Variants in LTAP1 observed in about 807,000 individuals in gnomAD.
LTAP1 encodes lipid transport auxiliary protein 1, also known as HCV NS5A-transactivated protein 4.
At chr1:154,216,706 G>T in the LTAP1 span, among the ~76,000 whole-genome samples, 25 of 151,932 alleles carry the variant, frequency 1.6e-4, no homozygotes, top group African/African-American at 5.6e-4. Context: ...CGTAGAGATG[G>T]GGTCTCACCA....
the LTAP1 span, among the ~76,000 whole-genome samples, chr1:154,211,317 TTTAA>T: frequency 4.1e-5 from 6 of 145,280 alleles, no homozygotes; most frequent in East Asian, 2.0e-4. Context: ...ATAGATGTTA[TTTAA>T]TTCTTTTTTT....
At chr1:154,218,058 G>C in the LTAP1 span, among the ~76,000 whole-genome samples, 1 of 152,128 alleles carries the variant, frequency 6.6e-6, no homozygotes, top group Admixed American at 6.6e-5. Context: ...GCCTCCCAAA[G>C]TGCTAGGACT....
the LTAP1 span, among the ~76,000 whole-genome samples, chr1:154,215,956 G>C: frequency 6.6e-6 from 1 of 151,570 alleles, no homozygotes; most frequent in African/African-American, 2.4e-5. Context: ...TCCTGCCTCA[G>C]CCTCCCGAGT....
At chr1:154,220,126 G>C in the LTAP1 span, 2 of 721,106 alleles carry the variant, frequency 2.8e-6, no homozygotes, top group East Asian at 5.4e-5. Context: ...GGAGGCGTGG[G>C]GTCTGTGCTC....
chr1:154,211,868 T>G, the LTAP1 span: 1 of 160,662 alleles, frequency 6.2e-6, no homozygotes, highest in Non-Finnish European at 1.4e-5. Context: ...CTTCTTTTTT[T>G]TTTTTGAGAC....
At chr1:154,220,317 G>A in the LTAP1 span, 10 of 1,613,558 alleles carry the variant, frequency 6.2e-6, no homozygotes, top group Admixed American at 1.7e-5. Context: ...GCGACAGCAG[G>A]AATGGGGTGG....
chr1:154,214,303 C>T, the LTAP1 span, among the ~76,000 whole-genome samples: 2 of 151,988 alleles, frequency 1.3e-5, no homozygotes, highest in Non-Finnish European at 2.9e-5. Context: ...ATTCCCCAAA[C>T]TCCAGCAAGC....
the LTAP1 span, among the ~76,000 whole-genome samples, chr1:154,214,139 T>C: frequency 6.6e-6 from 1 of 152,058 alleles, no homozygotes; most frequent in Admixed American, 6.6e-5. Context: ...TAGCCAGGCG[T>C]GGTGGCGCAT....
chr1:154,219,943 C>G, the LTAP1 span: 1 of 1,580,100 alleles, frequency 6.3e-7, no homozygotes, highest in Non-Finnish European at 8.6e-7. Context: ...AACACCTGTC[C>G]AAAAAGATGT....
chr1:154,213,248 G>C, the LTAP1 span: 5 of 152,700 alleles, frequency 3.3e-5, no homozygotes, highest in African/African-American at 9.7e-5. Flanking sequence ...TGGAGGTTGT[G>C]GTGAGCCAAG....
At chr1:154,209,737 C>T in the LTAP1 span, among the ~76,000 whole-genome samples, 1 of 151,972 alleles carries the variant, frequency 6.6e-6, no homozygotes, top group Non-Finnish European at 1.5e-5. Context: ...CAGGCACCCG[C>T]CACCACGCCC....
the LTAP1 span, chr1:154,207,378 G>A: frequency 2.1e-6 from 3 of 1,436,710 alleles, no homozygotes; most frequent in Non-Finnish European, 2.9e-6. Context: ...ATGTTCCGAG[G>A]GCGGCCCGGC....
At chr1:154,214,921 T>C in the LTAP1 span, among the ~76,000 whole-genome samples, 3 of 151,714 alleles carry the variant, frequency 2.0e-5, no homozygotes, top group Non-Finnish European at 4.4e-5. Flanking sequence ...CTCAGTTCAC[T>C]GCAACCTCCG....
the LTAP1 span, among the ~76,000 whole-genome samples, chr1:154,215,915 G>A: frequency 2.0e-5 from 3 of 149,056 alleles, no homozygotes; most frequent in African/African-American, 5.0e-5. Flanking sequence ...TCAGCTCACT[G>A]CAAGCTCCGC....
chr1:154,219,698 G>C, the LTAP1 span: 2 of 679,516 alleles, frequency 2.9e-6, no homozygotes, highest in Non-Finnish European at 2.5e-6. Context: ...CACAGTGCCT[G>C]CTCAACTTAG....
chr1:154,218,009 A>G, the LTAP1 span, among the ~76,000 whole-genome samples: 2 of 152,134 alleles, frequency 1.3e-5, no homozygotes, highest in African/African-American at 2.4e-5. Context: ...AGCTCACTGC[A>G]GTCTGTAACT....
the LTAP1 span, chr1:154,207,586 T>C: frequency 3.1e-6 from 5 of 1,613,938 alleles, no homozygotes; most frequent in East Asian, 2.2e-5. Context: ...CTCAGGGGAC[T>C]GAGTTAGGTC....
the LTAP1 span, among the ~76,000 whole-genome samples, chr1:154,209,778 A>G: frequency 6.7e-6 from 1 of 149,790 alleles, no homozygotes; most frequent in Non-Finnish European, 1.5e-5. Flanking sequence ...TATTTTTAGT[A>G]GAGACTGGTT....
the LTAP1 span, chr1:154,214,339 T>C: frequency 1.4e-6 from 1 of 721,710 alleles, no homozygotes; most frequent in Non-Finnish European, 2.4e-6. Context: ...GCATCTAACA[T>C]ATATCCAATA....
Sources: gnomAD v4.1 joint callset for allele counts (sites outside exome capture counted in the v4.1 genomes callset) on GRCh38, gnomAD v4.1.1 for gene constraint, MANE v1.5 for transcripts, NCBI Gene and HGNC (gene_info 2026-07-23, HGNC 2026-07-21) for gene names.